Variants in RALGAPA2 observed in about 807,000 individuals in gnomAD.
The protein encoded by RALGAPA2 is Ral GTPase activating protein catalytic subunit alpha 2.
RALGAPA2 carries 139 observed loss-of-function variants against 230.4 expected under a neutral mutation model. That is an observed-to-expected ratio of 0.60 (90% confidence interval 0.53 to 0.69). The LOEUF is 0.69. Among genes scored for constraint, RALGAPA2 ranks in the 30% least tolerant of loss-of-function variants. The probability of loss-of-function intolerance (pLI) is 0.00; values close to 1 mark genes in which losing one functional copy is unlikely to be tolerated. For missense variants in RALGAPA2, 2,163 were observed against 2,276.0 expected (o/e 0.95, Z 1.01); for synonymous variants, 847 against 837.8 (o/e 1.01, Z -0.19).
intron 27 of RALGAPA2, among the ~76,000 whole-genome samples, chr20:20,529,104 C>A (rs73290953): frequency 0.011 from 1,679 of 152,338 alleles, 25 homozygotes; most frequent in African/African-American, 0.038. Context: ...GAGAGGAGGG[C>A]AGTGGGGAGG....
intron 1 of RALGAPA2, among the ~76,000 whole-genome samples, chr20:20,696,024 T>C (rs2069100628): frequency 1.3e-5 from 2 of 152,312 alleles, no homozygotes; most frequent in African/African-American, 2.4e-5. Flanking sequence ...GCTCTCTGCC[T>C]GTCAGTAGAT....
intron 37 of RALGAPA2, among the ~76,000 whole-genome samples, chr20:20,463,756 A>G (rs2061354680): frequency 6.6e-6 from 1 of 152,200 alleles, no homozygotes; most frequent in South Asian, 2.1e-4. Context: ...AAATATTGTC[A>G]TTTATGGAAT....
At chr20:20,558,807 TAAA>T (rs35519955) in intron 23 of RALGAPA2, among the ~76,000 whole-genome samples, 2 of 91,166 alleles carry the variant, frequency 2.2e-5, no homozygotes, top group African/African-American at 4.1e-5. Context: ...TCAACTCTGC[TAAA>T]AAAAAAAAAA....
At chr20:20,687,277 G>C (rs1045887522) in intron 1 of RALGAPA2, among the ~76,000 whole-genome samples, 18 of 152,206 alleles carry the variant, frequency 1.2e-4, no homozygotes, top group African/African-American at 3.9e-4. Context: ...ATGCAGACAA[G>C]GATGGATATC....
chr20:20,469,245 A>G (rs2061488990), intron 37 of RALGAPA2, among the ~76,000 whole-genome samples: 2 of 152,200 alleles, frequency 1.3e-5, no homozygotes, highest in African/African-American at 4.8e-5. Flanking sequence ...ATGGAGATGA[A>G]TGGAAAAAAT....
chr20:20,446,387 T>C (rs976443734), intron 37 of RALGAPA2, among the ~76,000 whole-genome samples: 2 of 152,218 alleles, frequency 1.3e-5, no homozygotes. Flanking sequence ...CACATCATCT[T>C]ACAGTGAAAG....
rs1221447929 is a variant in RALGAPA2 at position 20,698,723 on chromosome 20, G to A, written c.106+13652C>T. Among the ~76,000 whole-genome samples, 4 of 152,310 alleles carry A rather than the reference G, an allele frequency of 2.6e-5. No homozygotes were observed. In the East Asian group the frequency reaches 5.8e-4, roughly 22 times the overall value. On this transcript the variant is annotated intron_variant, in intron 1 of 39. Transcript: ENST00000202677. Reference sequence around the variant, plus strand: ...TCTAAAATGATTAATTTTATGTTATGTGAATTTCACATCAATAAAAAAAAT... The same window carrying A: ...TCTAAAATGATTAATTTTATGTTATATGAATTTCACATCAATAAAAAAAAT...
chr20:20,503,254 A>G (rs972406056), intron 35 of RALGAPA2, 97 bp downstream of exon 35: 2 of 1,164,930 alleles, frequency 1.7e-6, no homozygotes, highest in African/African-American at 3.2e-5. Context: ...CAGAGAAACC[A>G]TCTCAGTGTG....
At chr20:20,508,437 T>C (rs1000419478) in intron 33 of RALGAPA2, among the ~76,000 whole-genome samples, 1 of 152,174 alleles carries the variant, frequency 6.6e-6, no homozygotes, top group African/African-American at 2.4e-5. Flanking sequence ...CCTTGTGCTG[T>C]CACATGAAAA....
chr20:20,611,512 T>C (rs2146285739), intron 13 of RALGAPA2, 86 bp from the exon 14 acceptor site: 1 of 1,503,408 alleles, frequency 6.7e-7, no homozygotes, highest in East Asian at 2.3e-5. Flanking sequence ...CTCTTAAGAA[T>C]TCAGCAACAT....
At position 20,493,248 on chromosome 20, in the gene RALGAPA2, T is replaced by C. The variant is rs372926101; in HGVS notation, c.5367+1869A>G. ...AACAAAAGGTCAGCCACACTTGCCC[T>C]GGAAATGTCTGGATTAATTTTATTA... On this transcript the variant is annotated intron_variant, in intron 36 of 39. Coordinates refer to ENST00000202677, the MANE Select transcript of RALGAPA2 (RefSeq NM_020343.4). 2.2e-4 allele frequency among the ~76,000 whole-genome samples: 34 copies of C among 152,376 alleles called. No individual in the cohort carries two copies. In the East Asian group the frequency reaches 5.0e-3, roughly 22 times the overall value.
chr20:20,707,646 T>C (rs575420190), intron 1 of RALGAPA2, among the ~76,000 whole-genome samples: 1 of 152,286 alleles, frequency 6.6e-6, no homozygotes, highest in Admixed American at 6.5e-5. Flanking sequence ...TGTTTTGCTC[T>C]GTTTGTATAT....
chr20:20,402,576 G>C (rs912748398), intron 38 of RALGAPA2, among the ~76,000 whole-genome samples: 1 of 152,244 alleles, frequency 6.6e-6, no homozygotes, highest in African/African-American at 2.4e-5. Context: ...TGGTGCTGGA[G>C]TGAGGGGGCA....
intron 37 of RALGAPA2, among the ~76,000 whole-genome samples, chr20:20,413,785 T>C (rs2060111660): frequency 1.3e-5 from 2 of 152,228 alleles, no homozygotes; most frequent in South Asian, 2.1e-4. Context: ...ATCTTTTATA[T>C]AGATGGGCAC....
intron 2 of RALGAPA2, among the ~76,000 whole-genome samples, chr20:20,677,464 A>C (rs144516625): frequency 1.3e-5 from 2 of 152,072 alleles, no homozygotes; most frequent in East Asian, 3.9e-4. Context: ...AAACAGTCAG[A>C]GGCCCTTAAG....
chr20:20,464,381 G>C (rs965329321), intron 37 of RALGAPA2, among the ~76,000 whole-genome samples: 1 of 152,094 alleles, frequency 6.6e-6, no homozygotes, highest in African/African-American at 2.4e-5. Context: ...ATACAATTAA[G>C]AGTTAAAAAC....
chr20:20,610,797 A>T (rs1739468860), intron 14 of RALGAPA2, among the ~76,000 whole-genome samples: 1 of 152,032 alleles, frequency 6.6e-6, no homozygotes, highest in African/African-American at 2.4e-5. Context: ...GTCAAAGCCC[A>T]TGGTCAACTG....
chr20:20,609,735 G>A (rs1282453949), intron 14 of RALGAPA2, among the ~76,000 whole-genome samples: 1 of 152,238 alleles, frequency 6.6e-6, no homozygotes, highest in African/African-American at 2.4e-5. Context: ...GCTCGAAAGG[G>A]TGCCAACAGT....
At chr20:20,450,025 T>C (rs1198557154) in intron 37 of RALGAPA2, among the ~76,000 whole-genome samples, 1 of 152,224 alleles carries the variant, frequency 6.6e-6, no homozygotes, top group Non-Finnish European at 1.5e-5. Context: ...CCTCGCTTCC[T>C]GGGCTTTGAT....
Sources: allele counts gnomAD v4.1 joint callset (sites outside exome capture counted in the v4.1 genomes callset), GRCh38; gene constraint gnomAD v4.1.1; transcripts MANE v1.5; gene names NCBI Gene and HGNC (gene_info 2026-07-23, HGNC 2026-07-21).